SBNO1: variants seen among roughly 807,000 people sequenced by gnomAD.
SBNO1 encodes strawberry notch homolog 1.
SBNO1 carries 23 observed loss-of-function variants against 173.6 expected under a neutral mutation model. The ratio of observed to expected loss-of-function variants is 0.13; its 90% CI spans 0.10 to 0.19. The LOEUF (loss-of-function observed/expected upper bound fraction) is 0.19, where lower values mean the gene tolerates loss of function less well. Among genes scored for constraint, SBNO1 ranks in the 10% least tolerant of loss-of-function variants. The pLI, the probability that SBNO1 is intolerant of heterozygous loss-of-function variation, is 1.00. For missense variants in SBNO1, 1,238 were observed against 1,671.2 expected (o/e 0.74, Z 4.52); for synonymous variants, 632 against 571.5 (o/e 1.11, Z -1.51).
At chr12:123,364,580 C>T (rs1332887894) in intron 1 of SBNO1, 121 bp downstream of exon 1, 4 of 983,614 alleles carry the variant, frequency 4.1e-6, no homozygotes, top group East Asian at 2.3e-4. Context: ...AGGGAGGCCC[C>T]AAGCCGGGGC....
rs1869983560 is a variant in SBNO1, at chr12:123,321,618, T to C, written c.2240A>G (p.Tyr747Cys). 4 of 1,613,930 alleles carry C rather than the reference T, an allele frequency of 2.5e-6. No individual in the cohort carries two copies. The highest frequency in any genetic ancestry group is 3.4e-6 in the Non-Finnish European group (4 of 1,179,926). Residue 747 changes from tyrosine (Y) to cysteine (C), a missense_variant, in exon 17 of 32, where the codon TAT (tyrosine) becomes TGT (cysteine). Tyr to Cys is a radical substitution (Grantham distance 194, BLOSUM62 -2). Transcript: ENST00000602398. ...AGAACTCATGTTTTTAGAGCTCTCA[T>C]AGTCACTTTCTTCATTATCAGAGGC... ...SDASDNEESD[Y>C]ESSKNMSSGD... is the part of the protein sequence containing the mutation.
intron 1 of SBNO1, among the ~76,000 whole-genome samples, chr12:123,352,215 A>G (rs1283097346): frequency 6.6e-6 from 1 of 152,234 alleles, no homozygotes; most frequent in Non-Finnish European, 1.5e-5. Flanking sequence ...TTCATGTTAC[A>G]TAAATATACT....
At position 123,329,429 on chromosome 12, in the gene SBNO1, C is replaced by CA. The variant is rs559261574; in HGVS notation, c.1135-535dup. 2.5e-3 allele frequency among the ~76,000 whole-genome samples: 350 copies of CA among 142,588 alleles called. 4 individuals carry two copies. The highest frequency in any genetic ancestry group is 7.2e-3 in the African/African-American group (278 of 38,552). 93.5% of individuals were successfully genotyped at this position (142,588 alleles called of 152,430 possible). On this transcript the variant is annotated intron_variant, in intron 9 of 31. Transcript: ENST00000602398. ...AAAGTCTTAAAAACTTTTATCATCA[C>CA]AAAAAAAAACATTAAAAACCAGACA...
chr12:123,311,693 T>TATCTATCTA (rs1363741165), intron 24 of SBNO1, among the ~76,000 whole-genome samples: 1 of 56,318 alleles, frequency 1.8e-5, no homozygotes, highest in African/African-American at 6.5e-5. Context: ...ACAAGTAACC[T>TATCTATCTA]ATCTATCTAT....
rs1454614293 is a variant in SBNO1 at position 123,311,716 on chromosome 12, CTATCTA to C, written c.3221-593_3221-588del. On this transcript the variant is annotated intron_variant, in intron 24 of 31. Transcript: ENST00000602398. ...CCTATCTATCTATCTATCTATCTAT[CTATCTA>C]TATATATATATATATATATATATAT... Among the ~76,000 whole-genome samples the C allele has an allele frequency of 3.5e-3, 211 of 60,942 alleles. 3 individuals carry two copies. The highest frequency in any genetic ancestry group is 9.3e-3 in the Middle Eastern group (1 of 108). 40.0% of individuals were successfully genotyped at this position (60,942 alleles called of 152,430 possible). A position where few individuals can be genotyped will look rare whatever the true frequency, so the allele number is the denominator to read the frequency against.
chr12:123,343,008 G>A (rs1872734912), intron 4 of SBNO1, among the ~76,000 whole-genome samples: 1 of 152,158 alleles, frequency 6.6e-6, no homozygotes, highest in Non-Finnish European at 1.5e-5. Flanking sequence ...TTGGGAGGCC[G>A]AGGTGGGCTG....
intron 13 of SBNO1, among the ~76,000 whole-genome samples, 189 bp from the exon 14 acceptor site, chr12:123,326,523 C>T (rs998994235): frequency 2.3e-4 from 35 of 152,172 alleles, no homozygotes; most frequent in African/African-American, 8.2e-4. Context: ...TTACCTAATG[C>T]AGTCATTTTA....
chr12:123,308,479 G>C (rs2048977299), intron 28 of SBNO1, among the ~76,000 whole-genome samples: 1 of 151,598 alleles, frequency 6.6e-6, no homozygotes, highest in Non-Finnish European at 1.5e-5. Context: ...GACCATCTTG[G>C]CTAACACGGT....
In SBNO1 at chr12:123,291,652, T is replaced by A; in HGVS notation, c.*4256A>T. 7.2e-6 allele frequency: 1 copy of A among 138,166 alleles called. No individual in the cohort carries two copies. The allele number at this position is 138,166 out of a possible 1,614,324, so 8.6% of individuals were successfully genotyped here. On this transcript the variant is annotated 3_prime_UTR_variant, in exon 32 of 32. Coordinates refer to ENST00000602398, the MANE Select transcript of SBNO1 (RefSeq NM_001167856.3). ...TAAAATACAGGAACAAATACTTTTC[T>A]AAATGAAAAGTTTTCCATACTTTTC...
At chr12:123,338,940 G>A (rs905800853) in intron 5 of SBNO1, among the ~76,000 whole-genome samples, 1 of 133,104 alleles carries the variant, frequency 7.5e-6, no homozygotes, top group African/African-American at 2.8e-5. Context: ...GACTAGTTTG[G>A]TTGATGGGCT....
rs2048505394 is a variant in SBNO1, at chr12:123,291,107, TA to T, written c.*4800del. The T allele has an allele frequency of 6.6e-6, 1 of 152,206 alleles. No individual in the cohort carries two copies. The highest frequency in any genetic ancestry group is 2.1e-4 in the South Asian group (1 of 4,832). 9.4% of individuals were successfully genotyped at this position (152,206 alleles called of 1,614,324 possible). On this transcript the variant is annotated 3_prime_UTR_variant, in exon 32 of 32. Coordinates refer to ENST00000602398, the MANE Select transcript of SBNO1 (RefSeq NM_001167856.3). ...CACTAGGCCTGCCTCCTGCCTGCTA[TA>T]AATATCCTCAACAGGTTATAAACAG...
At chr12:123,344,257 T>C (rs1872862449) in intron 4 of SBNO1, among the ~76,000 whole-genome samples, 1 of 152,174 alleles carries the variant, frequency 6.6e-6, no homozygotes, top group Non-Finnish European at 1.5e-5. Context: ...GTCACAGTGC[T>C]GCACTCCACG....
intron 7 of SBNO1, among the ~76,000 whole-genome samples, chr12:123,333,139 G>C (rs936724329): frequency 6.8e-6 from 1 of 147,536 alleles, no homozygotes; most frequent in Non-Finnish European, 1.5e-5. Flanking sequence ...AAAAAAAAAA[G>C]TGCTGGGATT....
At chr12:123,317,074 G>C (rs1869376228) in intron 21 of SBNO1, 147 bp downstream of exon 21, 4 of 772,204 alleles carry the variant, frequency 5.2e-6, no homozygotes, top group Admixed American at 4.8e-5. Flanking sequence ...CCGGACTCAA[G>C]TTATCCTCCC....
Position 123,292,378 on chromosome 12 carries a change from T to A in SBNO1, c.*3530A>T, listed in dbSNP as rs2048524697. Reference sequence around the variant, plus strand: ...GAGGGAACTTCTGCCCCTACTTCCATGAAGTGAGATGCAACAATCATTTCC... The same window carrying A: ...GAGGGAACTTCTGCCCCTACTTCCAAGAAGTGAGATGCAACAATCATTTCC... On this transcript the variant is annotated 3_prime_UTR_variant, in exon 32 of 32. Coordinates refer to ENST00000602398, the MANE Select transcript of SBNO1 (RefSeq NM_001167856.3). The A allele has an allele frequency of 3.9e-5, 6 of 152,166 alleles. No individual in the cohort carries two copies. The South Asian group carries it at 1.2e-3, about 31-fold the overall frequency. The allele number at this position is 152,166 out of a possible 1,614,324, so 9.4% of individuals were successfully genotyped here.
At chr12:123,308,939 A>C (rs1187805250) in intron 28 of SBNO1, among the ~76,000 whole-genome samples, 2 of 152,212 alleles carry the variant, frequency 1.3e-5, no homozygotes, top group East Asian at 3.8e-4. Flanking sequence ...CCCCGTCTCT[A>C]CTAAAAATAC....
intron 1 of SBNO1, among the ~76,000 whole-genome samples, chr12:123,361,803 A>G (rs1566060107): frequency 6.6e-6 from 1 of 151,752 alleles, no homozygotes; most frequent in African/African-American, 2.4e-5. Flanking sequence ...ATAGTAGGCC[A>G]CTAACTCAGT....
At chr12:123,310,961 C>T in intron 25 of SBNO1, 94 bp downstream of exon 25, 3 of 938,622 alleles carry the variant, frequency 3.2e-6, no homozygotes, top group East Asian at 2.5e-5. Flanking sequence ...GTTTTAAGAA[C>T]ATGAAGCTTC....
At chr12:123,296,098 C>A in intron 31 of SBNO1, 48 bp from the exon 32 acceptor site, 1 of 1,225,154 alleles carries the variant, frequency 8.2e-7, no homozygotes, top group Non-Finnish European at 1.2e-6. Flanking sequence ...GAAGAAACCA[C>A]ACTGTACAGC....
Sources: allele counts gnomAD v4.1 joint callset (sites outside exome capture counted in the v4.1 genomes callset), GRCh38; gene constraint gnomAD v4.1.1; transcripts MANE v1.5; gene names NCBI Gene and HGNC (gene_info 2026-07-23, HGNC 2026-07-21).